Variants in MTDH observed in about 807,000 individuals in gnomAD.
MTDH encodes metadherin, also known as protein LYRIC.
MTDH carries 34 observed loss-of-function variants against 72.7 expected under a neutral mutation model. The ratio of observed to expected loss-of-function variants is 0.47; its 90% CI spans 0.36 to 0.62. MTDH has a LOEUF of 0.62. Ranked by LOEUF, MTDH falls within the 20% of genes least tolerant of loss-of-function variation. MTDH has a pLI of 0.00. For synonymous variants in MTDH, 266 were observed against 268.9 expected (o/e 0.99, Z 0.10); for missense variants, 677 against 699.4 (o/e 0.97, Z 0.36).
chr8:97,684,378 A>G (rs1163340983), intron 2 of MTDH, among the ~76,000 whole-genome samples: 3 of 152,146 alleles, frequency 2.0e-5, no homozygotes, highest in African/African-American at 7.2e-5. Flanking sequence ...GGTTTGCATT[A>G]TATTTCTGTT....
At chr8:97,723,412 C>T (rs1331543842) in intron 11 of MTDH, among the ~76,000 whole-genome samples, 2 of 145,616 alleles carry the variant, frequency 1.4e-5, no homozygotes, top group East Asian at 4.2e-4. Context: ...AAAAAAACGT[C>T]TAATGGATTA....
intron 7 of MTDH, among the ~76,000 whole-genome samples, chr8:97,701,403 T>C (rs530609849): frequency 6.6e-6 from 1 of 152,274 alleles, no homozygotes; most frequent in African/African-American, 2.4e-5. Flanking sequence ...CTGTATTGTT[T>C]AGGGAATAAT....
intron 8 of MTDH, among the ~76,000 whole-genome samples, chr8:97,711,491 AAAAC>A (rs141515414): frequency 0.032 from 4,876 of 152,136 alleles, 271 homozygotes; most frequent in African/African-American, 0.11. Context: ...TGAAAAAAAC[AAAAC>A]AAACAAAACA....
intron 6 of MTDH, among the ~76,000 whole-genome samples, chr8:97,692,578 A>G (rs976046951): frequency 2.0e-5 from 3 of 151,998 alleles, no homozygotes; most frequent in Middle Eastern, 3.2e-3. Flanking sequence ...GGGTTTCACC[A>G]TGTTGGCCAG....
chr8:97,661,730 C>T (rs1812176691), intron 2 of MTDH, among the ~76,000 whole-genome samples: 1 of 151,902 alleles, frequency 6.6e-6, no homozygotes. Flanking sequence ...ATTGCTTGAG[C>T]CCAGGAGTTT....
chr8:97,691,001 T>G lies in MTDH; in HGVS notation c.861T>G (p.Asn287Lys), dbSNP rs1489113537. Residue 287 changes from asparagine (N) to lysine (K), a missense_variant, in exon 6 of 12, where the codon AAT becomes AAG. This residue lies in a region of MTDH where 467 missense variants were observed against 469.1 expected (regional missense o/e 1.00). Coordinates refer to ENST00000336273, the MANE Select transcript of MTDH (RefSeq NM_178812.4). ...TCACTGTCAATGGAGGAGGCTGGAA[T>G]GAAAAGTCTGTAAAACTCTCCTCAC... ...ENLTVNGGGW[N>K]EKSVKLSSQI... 1.2e-6 allele frequency: 2 copies of G among 1,614,050 alleles called. No individual in the cohort carries two copies. Among genetic ancestry groups the G allele is most frequent in the Non-Finnish European group, 1.7e-6 (2 of 1,179,960 alleles).
chr8:97,657,070 T>C (rs1207842444), intron 1 of MTDH, among the ~76,000 whole-genome samples: 1 of 152,098 alleles, frequency 6.6e-6, no homozygotes, highest in Non-Finnish European at 1.5e-5. Flanking sequence ...CATTCCATTT[T>C]CCCCTGATAT....
At chr8:97,649,356 T>C (rs1227869273) in intron 1 of MTDH, among the ~76,000 whole-genome samples, 1 of 152,188 alleles carries the variant, frequency 6.6e-6, no homozygotes. Flanking sequence ...TTTTTGCCAA[T>C]CTTTTCTACC....
At chr8:97,708,581 C>CTTTTTTTTTTT (rs1174573079) in intron 8 of MTDH, among the ~76,000 whole-genome samples, 1 of 30,258 alleles carries the variant, frequency 3.3e-5, no homozygotes, top group African/African-American at 2.5e-4. Flanking sequence ...CATGCCAGGC[C>CTTTTTTTTTTT]TTTTTTTTTT....
At chr8:97,662,210 A>G (rs1457942582) in intron 2 of MTDH, among the ~76,000 whole-genome samples, 2 of 147,674 alleles carry the variant, frequency 1.4e-5, no homozygotes, top group African/African-American at 5.0e-5. Context: ...TTTTTTTTTT[A>G]ATATAGAGAC....
chr8:97,659,126 G>A (rs1278755868), intron 1 of MTDH, among the ~76,000 whole-genome samples: 4 of 149,422 alleles, frequency 2.7e-5, no homozygotes, highest in Admixed American at 2.0e-4. Context: ...CTGGGCAACA[G>A]AGCGAGACTG....
chr8:97,674,025 A>T (rs930715941), intron 2 of MTDH, among the ~76,000 whole-genome samples: 1 of 152,002 alleles, frequency 6.6e-6, no homozygotes, highest in Admixed American at 6.6e-5. Flanking sequence ...GCATGGTGGC[A>T]TGCACCTGTA....
At chr8:97,647,879 C>T (rs1320790813) in intron 1 of MTDH, among the ~76,000 whole-genome samples, 8 of 151,086 alleles carry the variant, frequency 5.3e-5, no homozygotes, top group Admixed American at 4.6e-4. Flanking sequence ...AGGAGTTTGA[C>T]GCTGTGATGA....
At chr8:97,651,461 T>C (rs1206360010) in intron 1 of MTDH, among the ~76,000 whole-genome samples, 2 of 152,154 alleles carry the variant, frequency 1.3e-5, no homozygotes, top group African/African-American at 4.8e-5. Flanking sequence ...TATGTGACAC[T>C]AAATAGTCCT....
At position 97,728,902 on chromosome 8, in the gene MTDH, C is replaced by T. The variant is rs1815454426; in HGVS notation, c.*4232C>T. On this transcript the variant is annotated 3_prime_UTR_variant, in exon 12 of 12. Transcript: ENST00000336273. ...TATATTGTTCCTCCCCATTCTCAAC[C>T]TGTAGCTTTTTTTTTTTTTCTTTTA... 1 of 147,250 alleles carries T rather than the reference C, an allele frequency of 6.8e-6. No individual in the cohort carries two copies. 9.1% of individuals were successfully genotyped at this position (147,250 alleles called of 1,614,324 possible).
At chr8:97,686,536 T>C in intron 2 of MTDH, 132 bp from the exon 3 acceptor site, 2 of 431,716 alleles carry the variant, frequency 4.6e-6, no homozygotes, top group Non-Finnish European at 8.1e-6. Context: ...CCACTTAATA[T>C]GTTAAGTTTT....
chr8:97,671,437 C>G (rs1272616212), intron 2 of MTDH, among the ~76,000 whole-genome samples: 1 of 152,076 alleles, frequency 6.6e-6, no homozygotes, highest in African/African-American at 2.4e-5. Context: ...TGCCACTGTT[C>G]TCGCAAATTT....
At chr8:97,687,371 C>T in intron 3 of MTDH, 58 bp from the exon 4 acceptor site, 1 of 1,462,748 alleles carries the variant, frequency 6.8e-7, no homozygotes, top group South Asian at 1.4e-5. Flanking sequence ...TCCCCCAAAA[C>T]TATAACTTTT....
chr8:97,682,300 T>C, intron 2 of MTDH, among the ~76,000 whole-genome samples: 1 of 51,542 alleles, frequency 1.9e-5, no homozygotes, highest in African/African-American at 7.1e-5. Flanking sequence ...TTTTTTTTTT[T>C]TTTTTTTTTT....
Sources: gnomAD v4.1 joint callset for allele counts (sites outside exome capture counted in the v4.1 genomes callset) on GRCh38, gnomAD v4.1.1 for gene constraint, gnomAD v4.1.1 regional missense constraint, MANE v1.5 for transcripts, NCBI Gene and HGNC (gene_info 2026-07-23, HGNC 2026-07-21) for gene names.